The following CNTN5 variants were observed in gnomAD, a reference collection of about 807,000 sequenced individuals.
The protein encoded by CNTN5 is contactin-5.
CNTN5 carries 77 observed loss-of-function variants against 129.1 expected under a neutral mutation model. That is an observed-to-expected ratio of 0.60 (90% CI 0.50 to 0.72). The LOEUF is 0.72. CNTN5 is among the 30% of genes least tolerant of loss of function. The pLI, the probability that CNTN5 is intolerant of heterozygous loss-of-function variation, is 0.00. For missense variants in CNTN5, 1,478 were observed against 1,328.8 expected, an observed-to-expected ratio of 1.11 and a Z score of -1.75; for synonymous variants, 509 against 465.6, an observed-to-expected ratio of 1.09 and a Z score of -1.20.
At chr11:100,182,461 T>C (rs1948166600) in intron 13 of CNTN5, among the ~76,000 whole-genome samples, 1 of 151,998 alleles carries the variant, frequency 6.6e-6, no homozygotes, top group South Asian at 2.1e-4. Flanking sequence ...CTTACTACCA[T>C]CCAAAGACTC....
At chr11:99,841,785 A>G (rs1405844037) in intron 4 of CNTN5, among the ~76,000 whole-genome samples, 29 of 3,812 alleles carry the variant, frequency 7.6e-3, no homozygotes, top group Admixed American at 0.029. Context: ...TGACATTTAT[A>G]TATATATATA....
chr11:99,211,293 AAGAT>A (rs1306263445), intron 1 of CNTN5, among the ~76,000 whole-genome samples: 3 of 152,096 alleles, frequency 2.0e-5, no homozygotes, highest in African/African-American at 7.2e-5. Flanking sequence ...AAAGGACGCA[AAGAT>A]AGATTTTTTG....
intron 1 of CNTN5, among the ~76,000 whole-genome samples, chr11:99,298,596 G>C (rs1346722389): frequency 6.6e-6 from 1 of 152,130 alleles, no homozygotes; most frequent in Non-Finnish European, 1.5e-5. Context: ...TGTTTTAACA[G>C]ATGGAAGAAT....
intron 3 of CNTN5, among the ~76,000 whole-genome samples, chr11:99,625,447 G>A (rs1299002739): frequency 6.6e-6 from 1 of 152,052 alleles, no homozygotes; most frequent in African/African-American, 2.4e-5. Flanking sequence ...ACTAATACTG[G>A]TTATTTCCTA....
At chr11:99,114,810 T>C (rs1857966282) in intron 1 of CNTN5, among the ~76,000 whole-genome samples, 1 of 152,158 alleles carries the variant, frequency 6.6e-6, no homozygotes, top group African/African-American at 2.4e-5. Flanking sequence ...TAAGTAGCAA[T>C]ACAGCTTAGT....
chr11:99,908,554 A>G (rs1031202995), intron 6 of CNTN5, among the ~76,000 whole-genome samples: 7 of 152,072 alleles, frequency 4.6e-5, no homozygotes, highest in African/African-American at 1.7e-4. Flanking sequence ...TAGGATTATT[A>G]TATAATTGTT....
At chr11:99,345,172 A>C (rs765273789) in intron 2 of CNTN5, among the ~76,000 whole-genome samples, 2 of 152,216 alleles carry the variant, frequency 1.3e-5, no homozygotes, top group Non-Finnish European at 2.9e-5. Context: ...ATATATATGG[A>C]AGTATTTCAT....
At chr11:99,532,037 A>G (rs1242647912) in intron 2 of CNTN5, among the ~76,000 whole-genome samples, 1 of 152,046 alleles carries the variant, frequency 6.6e-6, no homozygotes, top group African/African-American at 2.4e-5. Flanking sequence ...TGGCAGATCC[A>G]CCGACAGCTT....
intron 13 of CNTN5, among the ~76,000 whole-genome samples, chr11:100,155,946 G>A (rs375162499): frequency 6.6e-6 from 1 of 152,062 alleles, no homozygotes; most frequent in African/African-American, 2.4e-5. Context: ...CTTGTCATCT[G>A]CAAACAGAGA....
intron 21 of CNTN5, among the ~76,000 whole-genome samples, chr11:100,336,287 C>A (rs1440658452): frequency 6.6e-6 from 1 of 151,940 alleles, no homozygotes; most frequent in African/African-American, 2.4e-5. Context: ...ATTAAAGGAG[C>A]AATATGAATA....
At chr11:99,857,812 C>A (rs1329676226) in intron 6 of CNTN5, among the ~76,000 whole-genome samples, 1 of 152,016 alleles carries the variant, frequency 6.6e-6, no homozygotes, top group Non-Finnish European at 1.5e-5. Context: ...AAATATAGTT[C>A]TATAATTCTA....
At chr11:99,811,482 A>T (rs11221479) in intron 3 of CNTN5, among the ~76,000 whole-genome samples, 1 of 148,180 alleles carries the variant, frequency 6.7e-6, no homozygotes, top group Non-Finnish European at 1.5e-5. Context: ...TTTTAATATT[A>T]TAACTATTAT....
rs185277623 is a variant in CNTN5, at chr11:100,107,697, A to G, written c.1580+33403A>G. ...AATTGCACTGCTTTTCCTCCATATC[A>G]CCACAAATTCATCAATCAATAAATT... On this transcript the variant is annotated intron_variant, in intron 13 of 24. Transcript: ENST00000524871. 5.8e-3 allele frequency among the ~76,000 whole-genome samples: 884 copies of G among 152,158 alleles called. 6 individuals are homozygous for G. The highest frequency in any genetic ancestry group is 0.019 in the African/African-American group (798 of 41,558).
At chr11:99,636,786 G>C (rs559062005) in intron 3 of CNTN5, among the ~76,000 whole-genome samples, 5 of 91,606 alleles carry the variant, frequency 5.5e-5, no homozygotes, top group Admixed American at 4.0e-4. Context: ...AGGCCAAGGT[G>C]GGGGGATGGA....
intron 3 of CNTN5, among the ~76,000 whole-genome samples, chr11:99,661,651 T>C (rs565240985): frequency 8.1e-4 from 123 of 152,112 alleles, no homozygotes; most frequent in Non-Finnish European, 1.5e-3. Flanking sequence ...AATGGACTAA[T>C]GCATATGCAT....
intron 1 of CNTN5, among the ~76,000 whole-genome samples, chr11:99,277,422 A>G (rs1316907012): frequency 6.6e-6 from 1 of 151,602 alleles, no homozygotes; most frequent in Admixed American, 6.6e-5. Context: ...CACTCACACC[A>G]TTGAGACTCA....
At chr11:99,829,467 C>T (rs1254551273) in intron 4 of CNTN5, among the ~76,000 whole-genome samples, 2 of 152,212 alleles carry the variant, frequency 1.3e-5, no homozygotes, top group East Asian at 1.9e-4. Context: ...TGAAGAGATA[C>T]ACATAGTCAA....
chr11:99,924,927 G>T (rs956375625), intron 7 of CNTN5, among the ~76,000 whole-genome samples: 1 of 152,124 alleles, frequency 6.6e-6, no homozygotes, highest in Non-Finnish European at 1.5e-5. Context: ...ATGAAATACA[G>T]TACCTAAGAA....
At chr11:99,083,812 T>A (rs115475768) in intron 1 of CNTN5, among the ~76,000 whole-genome samples, 3,886 of 152,230 alleles carry the variant, frequency 0.026, 82 homozygotes, top group East Asian at 0.059. Context: ...CTCATCTTGA[T>A]TCCCATTCCT....
Sources: allele counts gnomAD v4.1 joint callset (sites outside exome capture counted in the v4.1 genomes callset), GRCh38; gene constraint gnomAD v4.1.1; transcripts MANE v1.5; gene names NCBI Gene and HGNC (gene_info 2026-07-23, HGNC 2026-07-21).